Variants in PCLO observed in about 807,000 individuals in gnomAD.
The protein encoded by PCLO is protein piccolo.
In PCLO, 82 loss-of-function variants were observed where a neutral mutation model predicts 427.5. That is an observed-to-expected ratio of 0.19 (90% CI 0.16 to 0.23). PCLO has a LOEUF of 0.23. Ranked by LOEUF, PCLO falls within the 10% of genes least tolerant of loss-of-function variation. PCLO has a pLI of 1.00. For synonymous variants in PCLO, 2,357 were observed against 2,155.4 expected, an observed-to-expected ratio of 1.09 and a Z score of -2.59; for missense variants, 6,239 against 6,115.9, an observed-to-expected ratio of 1.02 and a Z score of -0.67.
At chr7:83,071,442 T>C (rs972568384) in intron 3 of PCLO, among the ~76,000 whole-genome samples, 3 of 152,226 alleles carry the variant, frequency 2.0e-5, no homozygotes, top group African/African-American at 7.2e-5. Context: ...TGAAATCATC[T>C]ATCAGTTTGG....
chr7:82,809,943 T>C (rs1411784833), intron 20 of PCLO, among the ~76,000 whole-genome samples: 1 of 151,650 alleles, frequency 6.6e-6, no homozygotes, highest in Admixed American at 6.6e-5. Flanking sequence ...CCATCAGAGA[T>C]TATAAGCTTA....
At chr7:82,823,938 T>G (rs1791862138) in intron 19 of PCLO, among the ~76,000 whole-genome samples, 1 of 152,158 alleles carries the variant, frequency 6.6e-6, no homozygotes, top group African/African-American at 2.4e-5. Context: ...CAAATGCATT[T>G]TCTGAAATCA....
At chr7:82,867,804 T>C (rs1240834786) in intron 10 of PCLO, among the ~76,000 whole-genome samples, 2 of 152,196 alleles carry the variant, frequency 1.3e-5, no homozygotes, top group Non-Finnish European at 2.9e-5. Context: ...AATGTAAGCA[T>C]AATTCTCCTC....
chr7:83,098,190 T>C (rs1790643146), intron 3 of PCLO, among the ~76,000 whole-genome samples: 1 of 152,140 alleles, frequency 6.6e-6, no homozygotes, highest in African/African-American at 2.4e-5. Flanking sequence ...GGATCATAGC[T>C]TCTTCTGTTT....
Position 82,846,653 on chromosome 7 carries a change from C to T in PCLO, c.13764-19G>A, listed in dbSNP as rs771467604. On this transcript the variant is annotated intron_variant, in intron 11 of 24. Coordinates refer to ENST00000333891, the MANE Select transcript of PCLO (RefSeq NM_033026.6). ...GAGGTCCCTAAAAATTAAAACAAAA[C>T]ATTAAGAAAGATATTGAGGAAATCT... is the stretch of plus-strand genomic sequence containing the variant. The T allele has an allele frequency of 3.9e-6, 6 of 1,534,062 alleles. No individual in the cohort carries two copies. In the South Asian group the frequency reaches 4.7e-5, roughly 12 times the overall value.
intron 21 of PCLO, among the ~76,000 whole-genome samples, chr7:82,804,004 T>G (rs1434703383): frequency 1.3e-5 from 2 of 152,142 alleles, no homozygotes; most frequent in African/African-American, 4.8e-5. Flanking sequence ...ATATTTACTT[T>G]TTGGAATTAT....
At chr7:82,972,970 T>G (rs571658543) in intron 3 of PCLO, among the ~76,000 whole-genome samples, 45 of 152,264 alleles carry the variant, frequency 3.0e-4, no homozygotes, top group Non-Finnish European at 5.3e-4. Context: ...TGGTGTTCTA[T>G]TCAACTCAGA....
chr7:82,916,254 T>G lies in PCLO; in HGVS notation c.11732A>C (p.Gln3911Pro). 6.2e-7 allele frequency: 1 copy of G among 1,613,700 alleles called. No homozygotes were observed. The highest frequency in any genetic ancestry group is 1.7e-5 in the Admixed American group (1 of 59,986). Reference sequence around the variant, plus strand: ...AACTTGCTGATGGTACAAAGTTTGTTGCTCAAAATGAGACTGTTGAGTGTA... The same window carrying G: ...AACTTGCTGATGGTACAAAGTTTGTGGCTCAAAATGAGACTGTTGAGTGTA... ...TSYTQQSHFE[Q>P]QTLYHQQVSP... Residue 3911 changes from glutamine to proline, a missense_variant, in exon 7 of 25, where the codon CAA (glutamine) becomes CCA (proline). This residue lies in a region of PCLO where 680 missense variants were observed against 677.3 expected (regional missense o/e 1.00). Coordinates refer to ENST00000333891, the MANE Select transcript of PCLO (RefSeq NM_033026.6).
At chr7:83,150,806 A>G (rs1792110195) in intron 2 of PCLO, among the ~76,000 whole-genome samples, 1 of 152,228 alleles carries the variant, frequency 6.6e-6, no homozygotes, top group African/African-American at 2.4e-5. Flanking sequence ...CATATAAACA[A>G]CAAGCTGGAA....
rs893238294 is a variant in PCLO at position 82,951,019 on chromosome 7, A to C, written c.9569T>G (p.Val3190Gly). 3 of 1,613,836 alleles carry C rather than the reference A, an allele frequency of 1.9e-6. No homozygotes were observed. The Admixed American group carries it at 5.0e-5, about 27-fold the overall frequency. The change falls in exon 6 of 25, where the codon GTG becomes GGG. Residue 3190 changes from valine to glycine, a missense_variant. Transcript: ENST00000333891. ...SVPTLTTASE[V>G]FPEVVGDESA... ...TTCATCTCCCACCACTTCAGGAAAC[A>C]CTTCGGATGCTGTGGTTAAAGTGGG...
chr7:82,999,124 T>C (rs1034943358), intron 3 of PCLO, among the ~76,000 whole-genome samples: 3 of 136,096 alleles, frequency 2.2e-5, no homozygotes, highest in Non-Finnish European at 4.8e-5. Context: ...AATATATCAA[T>C]AGAAACTCCA....
chr7:82,886,295 AT>A (rs1236091866), intron 9 of PCLO, among the ~76,000 whole-genome samples: 3 of 152,196 alleles, frequency 2.0e-5, no homozygotes, highest in African/African-American at 7.2e-5. Context: ...TTTTTCAAAC[AT>A]TATAAAGATA....
chr7:83,038,027 ATATT>A lies in PCLO; in HGVS notation c.3301-71544_3301-71541del, dbSNP rs1419741310. ...TATATATATATATATATATATATAT[ATATT>A]TATATATTTATATATATATCTTTAT... On this transcript the variant is annotated intron_variant, in intron 3 of 24. Coordinates refer to ENST00000333891, the MANE Select transcript of PCLO (RefSeq NM_033026.6). Among the ~76,000 whole-genome samples, 57 of 44,164 alleles carry A rather than the reference ATATT, an allele frequency of 1.3e-3. 10 individuals carry two copies. The highest frequency in any genetic ancestry group is 7.9e-3 in the African/African-American group (50 of 6,302). 29.0% of individuals were successfully genotyped at this position (44,164 alleles called of 152,430 possible).
Position 82,955,618 on chromosome 7 carries a change from ATTC to A in PCLO, c.5332_5334del (p.Glu1778del), listed in dbSNP as rs1795494411. The A allele has an allele frequency of 6.2e-7, 1 of 1,613,710 alleles. No individual in the cohort carries two copies. Among genetic ancestry groups the A allele is most frequent in the Non-Finnish European group, 8.5e-7 (1 of 1,179,798 alleles). On this transcript the variant is annotated inframe_deletion, in exon 5 of 25. Transcript: ENST00000333891. ...TTTAATAATTCTTCTTCCTCTCTCA[ATTC>A]TTCTTCCTCTGAAGAATCTTCAATA...
At chr7:82,895,150 G>T (rs1230800889) in intron 9 of PCLO, among the ~76,000 whole-genome samples, 1 of 151,852 alleles carries the variant, frequency 6.6e-6, no homozygotes, top group African/African-American at 2.4e-5. Flanking sequence ...CAACTACAAT[G>T]AAACTAAACT....
chr7:82,764,317 C>A (rs943861872), intron 22 of PCLO, among the ~76,000 whole-genome samples: 1 of 151,740 alleles, frequency 6.6e-6, no homozygotes, highest in Non-Finnish European at 1.5e-5. Context: ...ACCTTTAGAA[C>A]AAAGATACAA....
chr7:82,768,351 A>T (rs1790576309), intron 22 of PCLO, among the ~76,000 whole-genome samples: 1 of 151,702 alleles, frequency 6.6e-6, no homozygotes, highest in South Asian at 2.1e-4. Flanking sequence ...TGAACCTGGG[A>T]GGCAGAGGTT....
At chr7:83,083,368 A>G (rs1225818184) in intron 3 of PCLO, among the ~76,000 whole-genome samples, 4 of 152,032 alleles carry the variant, frequency 2.6e-5, no homozygotes, top group African/African-American at 4.8e-5. Context: ...AACAGTATAC[A>G]CAAAAAGTGA....
Position 82,915,189 on chromosome 7 carries a change from G to A in PCLO, c.12797C>T (p.Thr4266Ile), listed in dbSNP as rs761576298. 5 of 1,608,444 alleles carry A rather than the reference G, an allele frequency of 3.1e-6. No individual in the cohort carries two copies. The highest frequency in any genetic ancestry group is 2.2e-5 in the East Asian group (1 of 44,530). Residue 4266 changes from threonine to isoleucine, a missense_variant, in exon 7 of 25, where the codon ACA (threonine) becomes ATA (isoleucine). Physicochemically the swap from Thr to Ile is moderately conservative, Grantham distance 89 (BLOSUM62 -1). Transcript: ENST00000333891. Reference protein sequence around the residue: ...MGSSLGTGLGTLGNTIRSALQ... With the variant: ...MGSSLGTGLGILGNTIRSALQ... ...AGCTGAGCGTATGGTATTTCCTAATGTGCCCAGTCCTGTGCCAAGAGAAGA... is the reference window on the plus strand; with the variant it reads ...AGCTGAGCGTATGGTATTTCCTAATATGCCCAGTCCTGTGCCAAGAGAAGA...
Sources: allele counts gnomAD v4.1 joint callset (sites outside exome capture counted in the v4.1 genomes callset), GRCh38; gene constraint gnomAD v4.1.1; regional missense constraint gnomAD v4.1.1; transcripts MANE v1.5; gene names NCBI Gene and HGNC (gene_info 2026-07-23, HGNC 2026-07-21).